The following ATAD2B variants were observed in gnomAD, a reference collection of about 807,000 sequenced individuals.
The protein encoded by ATAD2B is ATPase family AAA domain-containing protein 2B.
ATAD2B carries 40 observed loss-of-function variants against 167.6 expected under a neutral mutation model. That is an observed-to-expected ratio of 0.24 (90% confidence interval 0.19 to 0.31). ATAD2B has a LOEUF of 0.31. Among genes scored for constraint, ATAD2B ranks in the 10% least tolerant of loss-of-function variants. ATAD2B has a pLI of 1.00. For synonymous variants in ATAD2B, 579 were observed against 596.5 expected, an observed-to-expected ratio of 0.97 and a Z score of 0.43; for missense variants, 1,242 against 1,757.2, an observed-to-expected ratio of 0.71 and a Z score of 5.24.
chr2:23,852,194 G>T (rs151210486), intron 13 of ATAD2B, among the ~76,000 whole-genome samples: 148 of 152,232 alleles, frequency 9.7e-4, no homozygotes, highest in African/African-American at 3.5e-3. Context: ...CCAGGCCCAG[G>T]TATTTTCACT....
intron 18 of ATAD2B, among the ~76,000 whole-genome samples, chr2:23,802,512 T>C (rs1683658283): frequency 6.6e-6 from 1 of 152,054 alleles, no homozygotes; most frequent in South Asian, 2.1e-4. Flanking sequence ...GTAACACAAA[T>C]TAGCATTTTA....
At chr2:23,871,355 G>C (rs1695948790) in intron 8 of ATAD2B, among the ~76,000 whole-genome samples, 1 of 151,470 alleles carries the variant, frequency 6.6e-6, no homozygotes, top group African/African-American at 2.4e-5. Flanking sequence ...CTCCACCTCT[G>C]CAATTTTAAA....
intron 24 of ATAD2B, 92 bp downstream of exon 24, chr2:23,762,117 A>T: frequency 1.5e-6 from 2 of 1,319,560 alleles, no homozygotes; most frequent in Non-Finnish European, 2.1e-6. Context: ...CTATGGGAAA[A>T]GAGCGGCACT....
At chr2:23,864,968 G>A in intron 10 of ATAD2B, 44 bp from the exon 11 acceptor site, 1 of 1,154,814 alleles carries the variant, frequency 8.7e-7, no homozygotes, top group Non-Finnish European at 1.2e-6. Flanking sequence ...AATTTTATAT[G>A]TTTTATAGAA....
intron 22 of ATAD2B, among the ~76,000 whole-genome samples, chr2:23,774,592 T>C (rs1678801379): frequency 6.6e-6 from 1 of 152,162 alleles, no homozygotes; most frequent in Admixed American, 6.6e-5. Flanking sequence ...AATCTGAGAT[T>C]CCTTGAGTTA....
At chr2:23,878,433 C>A (rs902290506) in intron 7 of ATAD2B, among the ~76,000 whole-genome samples, 5 of 151,262 alleles carry the variant, frequency 3.3e-5, no homozygotes, top group Non-Finnish European at 7.4e-5. Context: ...CTGAGGCGGG[C>A]GGATCATGAG....
chr2:23,768,996 TA>T (rs1354465045), intron 22 of ATAD2B, among the ~76,000 whole-genome samples: 1 of 152,164 alleles, frequency 6.6e-6, no homozygotes, highest in African/African-American at 2.4e-5. Context: ...TGTATGGAAA[TA>T]TACACGTTAA....
the ATAD2B span, among the ~76,000 whole-genome samples, chr2:23,686,973 C>A: frequency 6.6e-6 from 1 of 152,118 alleles, no homozygotes; most frequent in East Asian, 1.9e-4. Flanking sequence ...GGCTTCCTTT[C>A]CTGCCGTGTA....
At chr2:23,681,215 T>G in the ATAD2B span, among the ~76,000 whole-genome samples, 2 of 152,248 alleles carry the variant, frequency 1.3e-5, no homozygotes, top group Admixed American at 6.5e-5. The surrounding 1 kb of genome is among the most constrained non-coding windows in gnomAD (Gnocchi z 4.2). Context: ...ACTTGGGGCC[T>G]GCTGGGAATC....
intron 19 of ATAD2B, among the ~76,000 whole-genome samples, chr2:23,795,373 T>A (rs548892896): frequency 7.2e-5 from 11 of 152,154 alleles, no homozygotes; most frequent in Non-Finnish European, 1.2e-4. Context: ...TTGCCCAGGC[T>A]GGAGTACAGT....
chr2:23,741,331 C>CA, the ATAD2B span, among the ~76,000 whole-genome samples: 1 of 152,198 alleles, frequency 6.6e-6, no homozygotes, highest in African/African-American at 2.4e-5. Context: ...ACCAAAACAG[C>CA]ATGGTACTGG....
intron 1 of ATAD2B, among the ~76,000 whole-genome samples, chr2:23,900,181 G>C (rs2150402163): frequency 6.6e-6 from 1 of 152,054 alleles, no homozygotes; most frequent in South Asian, 2.1e-4. Context: ...CTCCGAAAGT[G>C]CTGGGATTAG....
chr2:23,883,231 G>C (rs1391423830), intron 6 of ATAD2B, among the ~76,000 whole-genome samples: 1 of 143,312 alleles, frequency 7.0e-6, no homozygotes, highest in Non-Finnish European at 1.5e-5. Flanking sequence ...AGTGAACTGT[G>C]ATTGTGACAA....
chr2:23,922,344 T>C (rs1704057434), intron 1 of ATAD2B, among the ~76,000 whole-genome samples: 1 of 152,088 alleles, frequency 6.6e-6, no homozygotes, highest in Non-Finnish European at 1.5e-5. Flanking sequence ...GATTAACTGA[T>C]CTAAAAGGGG....
intron 19 of ATAD2B, among the ~76,000 whole-genome samples, chr2:23,797,708 C>T (rs1398247791): frequency 6.6e-6 from 1 of 152,012 alleles, no homozygotes; most frequent in African/African-American, 2.4e-5. Flanking sequence ...TTATAAAAAC[C>T]TTATACACAT....
rs189443300 is a variant in ATAD2B, at chr2:23,782,866, T to C, written c.3133+3A>G. ...AGGGGAACCTTGCCCTATGCATCCT[T>C]ACCTCCTGGGTCCTTATCTGGATTA... On this transcript the variant is annotated splice_donor_region_variant and intron_variant, in intron 22 of 27. Coordinates refer to ENST00000238789, the MANE Select transcript of ATAD2B (RefSeq NM_017552.4). The C allele has an allele frequency of 1.0e-5, 16 of 1,606,174 alleles. No homozygotes were observed. In the Admixed American group the frequency reaches 1.2e-4, roughly 12 times the overall value.
At chr2:23,734,769 T>G in the ATAD2B span, among the ~76,000 whole-genome samples, 1 of 152,190 alleles carries the variant, frequency 6.6e-6, no homozygotes, top group Non-Finnish European at 1.5e-5. Context: ...CAATTCAACA[T>G]GAGATGTGGG....
At chr2:23,761,407 CGTT>C (rs780434395) in intron 24 of ATAD2B, among the ~76,000 whole-genome samples, 3 of 152,174 alleles carry the variant, frequency 2.0e-5, no homozygotes, top group African/African-American at 7.2e-5. Flanking sequence ...AGTAACTGCT[CGTT>C]GGAGCATTTC....
intron 22 of ATAD2B, among the ~76,000 whole-genome samples, chr2:23,770,999 T>A (rs557610512): frequency 2.0e-5 from 3 of 152,220 alleles, no homozygotes; most frequent in Non-Finnish European, 4.4e-5. Flanking sequence ...TTGGGTCTTC[T>A]TTATCTCACT....
Sources: gnomAD v4.1 joint callset for allele counts (sites outside exome capture counted in the v4.1 genomes callset) on GRCh38, gnomAD v4.1.1 for gene constraint, Gnocchi (gnomAD v3.1) non-coding constraint, MANE v1.5 for transcripts, NCBI Gene and HGNC (gene_info 2026-07-23, HGNC 2026-07-21) for gene names.